The following RAI1 variants were observed in gnomAD, a reference collection of about 807,000 sequenced individuals.
RAI1 encodes retinoic acid-induced protein 1.
In RAI1, 9 loss-of-function variants were observed where a neutral mutation model predicts 123.8. The ratio of observed to expected loss-of-function variants is 0.07; its 90% CI spans 0.04 to 0.13. The LOEUF (loss-of-function observed/expected upper bound fraction) is 0.13. RAI1 is among the 10% of genes least tolerant of loss of function. RAI1 has a pLI of 1.00. For missense variants in RAI1, 2,256 were observed against 2,545.8 expected (o/e 0.89, Z 2.45); for synonymous variants, 1,231 against 1,127.3 (o/e 1.09, Z -1.84).
intron 1 of RAI1, among the ~76,000 whole-genome samples, chr17:17,693,816 T>C (rs1175088352): frequency 6.6e-6 from 1 of 152,168 alleles, no homozygotes; most frequent in Non-Finnish European, 1.5e-5. Flanking sequence ...GACCAGGCCA[T>C]TGCTCTGGGC....
intron 2 of RAI1, among the ~76,000 whole-genome samples, chr17:17,767,831 G>A (rs2030999770): frequency 6.6e-6 from 1 of 152,228 alleles, no homozygotes; most frequent in Admixed American, 6.5e-5. Flanking sequence ...TGGGCCTGGT[G>A]ATGTTTGTGG....
At chr17:17,760,708 G>T (rs1453180678) in intron 2 of RAI1, among the ~76,000 whole-genome samples, 2 of 152,244 alleles carry the variant, frequency 1.3e-5, no homozygotes, top group African/African-American at 4.8e-5. Flanking sequence ...GGAACGTGTG[G>T]AGCTAAAATA....
At chr17:17,730,248 C>A (rs1180014519) in intron 2 of RAI1, among the ~76,000 whole-genome samples, 1 of 152,238 alleles carries the variant, frequency 6.6e-6, no homozygotes, top group Non-Finnish European at 1.5e-5. Flanking sequence ...TGAAATGCTT[C>A]CGTTAGTCAC....
intron 2 of RAI1, among the ~76,000 whole-genome samples, chr17:17,789,379 G>A (rs961808325): frequency 1.3e-5 from 2 of 152,238 alleles, no homozygotes; most frequent in East Asian, 1.9e-4. Context: ...CCTTGCTCCC[G>A]CCTCAGCAGT....
At chr17:17,770,598 C>T (rs1434777742) in intron 2 of RAI1, among the ~76,000 whole-genome samples, 1 of 149,350 alleles carries the variant, frequency 6.7e-6, no homozygotes, top group East Asian at 2.1e-4. Context: ...AGGTCAGGGG[C>T]CAGGGCCTGC....
In RAI1 at chr17:17,799,177, G is replaced by A. The variant is rs1376504797; in HGVS notation, c.5565+664G>A. On this transcript the variant is annotated intron_variant, in intron 3 of 5. Coordinates refer to ENST00000353383, the MANE Select transcript of RAI1 (RefSeq NM_030665.4). The surrounding 1 kb of genome is among the most constrained non-coding windows in gnomAD (Gnocchi z 4.5). ...AGAGAGGGAACTCTGGGGCTGTGCC[G>A]CCATGCACCTTTGGGGCTGTGACCT... 2.0e-5 allele frequency among the ~76,000 whole-genome samples: 3 copies of A among 152,200 alleles called. No homozygotes were observed. The highest frequency in any genetic ancestry group is 2.1e-4 in the South Asian group (1 of 4,830).
At chr17:17,748,141 A>T (rs535918549) in intron 2 of RAI1, among the ~76,000 whole-genome samples, 5 of 152,316 alleles carry the variant, frequency 3.3e-5, no homozygotes, top group Admixed American at 3.3e-4. Context: ...GAATGAGGAC[A>T]CCCAATCTTC....
At chr17:17,798,584 C>T (rs936024340) in intron 3 of RAI1, 71 bp downstream of exon 3, 11 of 1,577,104 alleles carry the variant, frequency 7.0e-6, no homozygotes, top group Non-Finnish European at 7.7e-6. Context: ...AGTCGGGGAG[C>T]CCCTTGTTTC....
Position 17,797,887 on chromosome 17 carries a change from G to A in RAI1, c.4939G>A (p.Ala1647Thr). ...SSSFSLDAAG[A>T]SLATLPGGSI... The stretch of plus-strand genomic sequence containing the variant: ...CTCGTTCTCCTTGGATGCAGCCGGG[G>A]CCTCCCTGGCCACACTCCCTGGAGG... The change falls in exon 3 of 6, where the codon GCC (alanine) becomes ACC (threonine). Residue 1647 changes from alanine (A) to threonine (T), a missense_variant. Transcript: ENST00000353383. 1.2e-6 allele frequency: 2 copies of A among 1,613,880 alleles called. No individual in the cohort carries two copies. Among genetic ancestry groups the A allele is most frequent in the Non-Finnish European group, 1.7e-6 (2 of 1,179,994 alleles).
chr17:17,802,647 G>A, intron 3 of RAI1, among the ~76,000 whole-genome samples: 1 of 152,132 alleles, frequency 6.6e-6, no homozygotes, highest in East Asian at 1.9e-4. Context: ...GTGGTGGCGG[G>A]CACCTGTAGT....
At chr17:17,710,797 T>TGGGGACCTTTGGGGCCATTTTTTCCA (rs1212007281) in intron 1 of RAI1, among the ~76,000 whole-genome samples, 2 of 152,186 alleles carry the variant, frequency 1.3e-5, no homozygotes, top group Non-Finnish European at 2.9e-5. Context: ...ATTCTGTAGG[T>TGGGGACCTTTGGGGCCATTTTTTCCA]GGGGACCTTT....
In RAI1 at chr17:17,792,959, T is replaced by C. The variant is rs1168751598; in HGVS notation, c.11T>C (p.Phe4Ser). The C allele has an allele frequency of 6.2e-7, 1 of 1,610,884 alleles. No homozygotes were observed. Residue 4 changes from phenylalanine (F) to serine (S), a missense_variant, in exon 3 of 6, where the codon TTT becomes TCT. By Grantham distance (155) the Phe-to-Ser change is radical (BLOSUM62 -2). This residue lies in a region of RAI1 where 336 missense variants were observed against 349.8 expected (regional missense o/e 0.96). Transcript: ENST00000353383. ...TAACCAGCCCGAGTCATGCAGTCTTTTCGAGAAAGGTGTGGTTTCCATGGC... is the reference window on the plus strand; with the variant it reads ...TAACCAGCCCGAGTCATGCAGTCTTCTCGAGAAAGGTGTGGTTTCCATGGC... MQSFRERCGFHGKQ... is the reference protein window; with the variant it reads MQSSRERCGFHGKQ...
chr17:17,775,201 ATTTTTT>A (rs56152905), intron 2 of RAI1, among the ~76,000 whole-genome samples: 6 of 123,438 alleles, frequency 4.9e-5, no homozygotes, highest in African/African-American at 6.5e-5. Context: ...TTCATGTGTA[ATTTTTT>A]TTTTTTTTTT....
intron 2 of RAI1, among the ~76,000 whole-genome samples, chr17:17,750,182 G>A (rs888020229): frequency 6.6e-6 from 1 of 152,246 alleles, no homozygotes; most frequent in Non-Finnish European, 1.5e-5. Context: ...TAGTCCAGCT[G>A]TGGCTCCAAG....
intron 2 of RAI1, among the ~76,000 whole-genome samples, chr17:17,738,596 G>A (rs1482105210): frequency 6.6e-6 from 1 of 152,200 alleles, no homozygotes; most frequent in Non-Finnish European, 1.5e-5. Flanking sequence ...CTTGAAATGA[G>A]CCTGGGGTCC....
At chr17:17,765,032 C>G (rs1019828128) in intron 2 of RAI1, among the ~76,000 whole-genome samples, 3 of 152,188 alleles carry the variant, frequency 2.0e-5, no homozygotes, top group African/African-American at 7.2e-5. Context: ...TGTTTATAAT[C>G]GGAGGATCTT....
At chr17:17,718,500 T>C (rs1915779504) in intron 1 of RAI1, among the ~76,000 whole-genome samples, 1 of 152,180 alleles carries the variant, frequency 6.6e-6, no homozygotes, top group African/African-American at 2.4e-5. Context: ...AACAGGGCTG[T>C]AGTTGTTGAA....
Position 17,798,379 on chromosome 17 carries a change from G to T in RAI1, c.5431G>T (p.Ala1811Ser). 1 of 1,609,672 alleles carries T rather than the reference G, an allele frequency of 6.2e-7. No individual in the cohort carries two copies. The highest frequency in any genetic ancestry group is 8.5e-7 in the Non-Finnish European group (1 of 1,178,438). Reference protein sequence around the residue: ...KGRKHECSKEAPAEPGGEAQE... With the variant: ...KGRKHECSKESPAEPGGEAQE... ...TCGCAAACATGAGTGCAGCAAGGAG[G>T]CTCCGGCAGAGCCCGGCGGGGAGGC... Residue 1811 changes from alanine (A) to serine (S), a missense_variant, in exon 3 of 6, where the codon GCT becomes TCT. Ala to Ser is a moderately conservative substitution (Grantham distance 99). Coordinates refer to ENST00000353383, the MANE Select transcript of RAI1 (RefSeq NM_030665.4).
At position 17,810,807 on chromosome 17, in the gene RAI1, C is replaced by G. The variant is rs1320066019; in HGVS notation, c.*826C>G. 2 of 454,824 alleles carry G rather than the reference C, an allele frequency of 4.4e-6. No homozygotes were observed. Among genetic ancestry groups the G allele is most frequent in the Non-Finnish European group, 8.9e-6 (2 of 225,608 alleles). 28.2% of individuals were successfully genotyped at this position (454,824 alleles called of 1,614,324 possible). On this transcript the variant is annotated 3_prime_UTR_variant, in exon 6 of 6. Coordinates refer to ENST00000353383, the MANE Select transcript of RAI1 (RefSeq NM_030665.4). This position sits in a 1 kb window ranked among gnomAD's most constrained non-coding sequence, Gnocchi z 4.6. Reference sequence around the variant, plus strand: ...AGCGGCCAGAACGCACCTCCGGCTCCGGCGGACGCGCGACCGTTGTGCACC... The same window carrying G: ...AGCGGCCAGAACGCACCTCCGGCTCGGGCGGACGCGCGACCGTTGTGCACC...
Sources: allele counts gnomAD v4.1 joint callset (sites outside exome capture counted in the v4.1 genomes callset), GRCh38; gene constraint gnomAD v4.1.1; regional missense constraint gnomAD v4.1.1; non-coding constraint Gnocchi (gnomAD v3.1); transcripts MANE v1.5; gene names NCBI Gene and HGNC (gene_info 2026-07-23, HGNC 2026-07-21).